HRH1: variants seen among roughly 807,000 people sequenced by gnomAD.
HRH1 encodes histamine receptor H1.
In HRH1, 6 loss-of-function variants were observed where a neutral mutation model predicts 10.3. The ratio of observed to expected loss-of-function variants is 0.58; its 90% CI spans 0.32 to 1.15. The LOEUF is 1.15. Among genes scored for constraint, HRH1 ranks in the 50% most tolerant of loss-of-function variants. The pLI, the probability that HRH1 is intolerant of heterozygous loss-of-function variation, is 0.05. For synonymous variants in HRH1, 242 were observed against 236.7 expected, an observed-to-expected ratio of 1.02 and a Z score of -0.21; for missense variants, 514 against 615.3, an observed-to-expected ratio of 0.84 and a Z score of 1.74.
At position 11,236,536 on chromosome 3, in the gene HRH1, A is replaced by C. The variant is rs1225684444; in HGVS notation, c.-35-22467A>C. Among the ~76,000 whole-genome samples the C allele has an allele frequency of 3.9e-5, 6 of 152,372 alleles. No homozygotes were observed. In the East Asian group the frequency reaches 1.2e-3, roughly 29 times the overall value. ...GAACTGTGTTCATCCGGTGGCTATC[A>C]TAATATCTGTACCTGGCAAGAATAT... is the stretch of plus-strand genomic sequence containing the variant. On this transcript the variant is annotated intron_variant, in intron 1 of 1. Transcript: ENST00000431010.
rs1349671869 is a variant in HRH1 at position 11,260,388 on chromosome 3, A to G, written c.1351A>G (p.Met451Val). The change falls in exon 2 of 2, where the codon ATG becomes GTG. Residue 451 changes from methionine (M) to valine (V), a missense_variant. Coordinates refer to ENST00000431010, the MANE Select transcript of HRH1 (RefSeq NM_001098212.2). ...GAACTGTTGCAATGAACATTTGCACATGTTCACCATCTGGCTGGGCTACAT... is the reference window on the plus strand; with the variant it reads ...GAACTGTTGCAATGAACATTTGCACGTGTTCACCATCTGGCTGGGCTACAT... ...CKNCCNEHLH[M>V]FTIWLGYINS... is the part of the protein sequence containing the mutation. The G allele has an allele frequency of 6.2e-6, 10 of 1,614,056 alleles. No individual in the cohort carries two copies. Among genetic ancestry groups the G allele is most frequent in the Non-Finnish European group, 8.5e-6 (10 of 1,180,040 alleles).
chr3:11,262,508 G>A lies in HRH1; in HGVS notation c.*2007G>A, dbSNP rs367743532. ...CCCAAACTTCTTGTTCAAAACGGGGGGAGTTTAGGAGACTTTAATCCCGGT... is the reference window on the plus strand; with the variant it reads ...CCCAAACTTCTTGTTCAAAACGGGGAGAGTTTAGGAGACTTTAATCCCGGT... On this transcript the variant is annotated 3_prime_UTR_variant, in exon 2 of 2. Coordinates refer to ENST00000431010, the MANE Select transcript of HRH1 (RefSeq NM_001098212.2). 6.0e-6 allele frequency: 1 copy of A among 167,170 alleles called. No individual in the cohort carries two copies. The allele number at this position is 167,170 out of a possible 1,614,324, so 10.4% of individuals were successfully genotyped here.
At chr3:11,200,643 A>C (rs955986729) in intron 1 of HRH1, among the ~76,000 whole-genome samples, 6 of 152,200 alleles carry the variant, frequency 3.9e-5, no homozygotes, top group Admixed American at 1.3e-4. Context: ...CCCCACACTT[A>C]TACCTCGCAC....
At chr3:11,170,409 T>G (rs1242150118) in intron 1 of HRH1, among the ~76,000 whole-genome samples, 1 of 152,222 alleles carries the variant, frequency 6.6e-6, no homozygotes, top group Non-Finnish European at 1.5e-5. Flanking sequence ...GCCACATGTT[T>G]ATTTGTGCAC....
chr3:11,145,188 G>A (rs1006549588), intron 1 of HRH1, among the ~76,000 whole-genome samples: 5 of 152,062 alleles, frequency 3.3e-5, no homozygotes, highest in Non-Finnish European at 7.4e-5. Context: ...ACAACTCTGC[G>A]GGGCCTCCCT....
chr3:11,172,986 C>T (rs1014131644), intron 1 of HRH1, among the ~76,000 whole-genome samples: 1 of 152,114 alleles, frequency 6.6e-6, no homozygotes, highest in East Asian at 1.9e-4. Flanking sequence ...CGTGAGCCAC[C>T]GCGCCCGGCC....
chr3:11,165,163 G>C (rs1937006563), intron 1 of HRH1, among the ~76,000 whole-genome samples: 3 of 152,194 alleles, frequency 2.0e-5, no homozygotes, highest in Admixed American at 2.0e-4. Context: ...TAAGTAACAA[G>C]GTTGAAATGG....
chr3:11,215,933 A>T (rs1471703408), intron 1 of HRH1, among the ~76,000 whole-genome samples: 1 of 152,168 alleles, frequency 6.6e-6, no homozygotes, highest in Non-Finnish European at 1.5e-5. Flanking sequence ...CAAGTATTAG[A>T]GACATCTTTT....
At chr3:11,243,826 G>A (rs369162512) in intron 1 of HRH1, among the ~76,000 whole-genome samples, 60 of 152,294 alleles carry the variant, frequency 3.9e-4, no homozygotes, top group African/African-American at 1.4e-3. Context: ...TCTTCCCTCT[G>A]CTGTCCAGCT....
intron 1 of HRH1, among the ~76,000 whole-genome samples, chr3:11,181,967 G>A (rs987216636): frequency 6.6e-6 from 1 of 151,210 alleles, no homozygotes; most frequent in Non-Finnish European, 1.5e-5. Flanking sequence ...TCTTTCCATT[G>A]TTCATGCATA....
rs1938219437 is a variant in HRH1, at chr3:11,208,613, TAC to T, written c.-35-50385_-35-50384del. On this transcript the variant is annotated intron_variant, in intron 1 of 1. Transcript: ENST00000431010. The stretch of plus-strand genomic sequence containing the variant: ...ATTTTTGTAGACTTTTCTGCAAGCA[TAC>T]ACACCCATACATACGATGTTACAGA... Among the ~76,000 whole-genome samples the T allele has an allele frequency of 1.3e-5, 2 of 152,274 alleles. 1 individual carries two copies. Among genetic ancestry groups the T allele is most frequent in the African/African-American group, 4.8e-5 (2 of 41,478 alleles).
chr3:11,200,376 A>G (rs1456911303), intron 1 of HRH1, among the ~76,000 whole-genome samples: 1 of 152,312 alleles, frequency 6.6e-6, no homozygotes, highest in Non-Finnish European at 1.5e-5. Context: ...TGACTACTCT[A>G]TGCCATAGAG....
At chr3:11,210,533 C>G (rs915887527) in intron 1 of HRH1, among the ~76,000 whole-genome samples, 7 of 151,862 alleles carry the variant, frequency 4.6e-5, no homozygotes, top group South Asian at 2.1e-4. Flanking sequence ...GGCTCACACC[C>G]GTAATCCCAG....
chr3:11,196,953 CAAAAAAA>C (rs35134148), intron 1 of HRH1, among the ~76,000 whole-genome samples: 12 of 110,452 alleles, frequency 1.1e-4, no homozygotes, highest in African/African-American at 1.1e-4. Flanking sequence ...ACTAAAAATA[CAAAAAAA>C]AAAAAAAAAA....
intron 1 of HRH1, among the ~76,000 whole-genome samples, chr3:11,203,483 AT>A (rs1212267777): frequency 6.6e-6 from 1 of 152,022 alleles, no homozygotes; most frequent in African/African-American, 2.4e-5. Flanking sequence ...GAGTTTTATA[AT>A]TTTGGTTTTA....
In HRH1 at chr3:11,260,361, A is replaced by G. The variant is rs756731129; in HGVS notation, c.1324A>G (p.Lys442Glu). 2.5e-6 allele frequency: 4 copies of G among 1,614,222 alleles called. No homozygotes were observed. In the East Asian group the frequency reaches 8.9e-5, roughly 36 times the overall value. ...FIFFMVIAFCKNCCNEHLHMF... is the reference protein window; with the variant it reads ...FIFFMVIAFCENCCNEHLHMF... ...CTTCTTCATGGTCATTGCCTTCTGC[A>G]AGAACTGTTGCAATGAACATTTGCA... Residue 442 changes from lysine (K) to glutamate (E), a missense_variant, in exon 2 of 2, where the codon AAG (lysine) becomes GAG (glutamate). Transcript: ENST00000431010.
At chr3:11,248,958 C>T (rs555773238) in intron 1 of HRH1, among the ~76,000 whole-genome samples, 2 of 152,300 alleles carry the variant, frequency 1.3e-5, no homozygotes, top group South Asian at 2.1e-4. Flanking sequence ...ATTTAGCTTG[C>T]GGATGGAATA....
At chr3:11,168,758 A>G (rs1296485607) in intron 1 of HRH1, among the ~76,000 whole-genome samples, 1 of 152,198 alleles carries the variant, frequency 6.6e-6, no homozygotes, top group Non-Finnish European at 1.5e-5. Context: ...TGCGGGCTGT[A>G]TGTAAAGAAC....
intron 1 of HRH1, among the ~76,000 whole-genome samples, chr3:11,180,945 G>GCACACACACACA (rs1229311363): frequency 6.2e-5 from 4 of 64,630 alleles, no homozygotes; most frequent in Admixed American, 2.0e-4. Context: ...CTTCTCTCAG[G>GCACACACACACA]CATACACACA....
Sources: gnomAD v4.1 joint callset for allele counts (sites outside exome capture counted in the v4.1 genomes callset) on GRCh38, gnomAD v4.1.1 for gene constraint, MANE v1.5 for transcripts, NCBI Gene and HGNC (gene_info 2026-07-23, HGNC 2026-07-21) for gene names.